The following HYCC1 variants were observed in gnomAD, a reference collection of about 807,000 sequenced individuals.
HYCC1 encodes hyccin.
At chr7:22,914,128 G>A in the HYCC1 span, among the ~76,000 whole-genome samples, 2 of 152,342 alleles carry the variant, frequency 1.3e-5, no homozygotes, top group South Asian at 2.1e-4. Flanking sequence ...GACTCAGGAA[G>A]ACAGTCTTCC....
chr7:23,005,048 G>T, the HYCC1 span, among the ~76,000 whole-genome samples: 8 of 152,102 alleles, frequency 5.3e-5, no homozygotes, highest in Admixed American at 1.3e-4. Flanking sequence ...CTCGCGATCC[G>T]CCCGCCTTGG....
chr7:22,898,185 C>G, the HYCC1 span, among the ~76,000 whole-genome samples: 1 of 151,812 alleles, frequency 6.6e-6, no homozygotes, highest in Non-Finnish European at 1.5e-5. Context: ...AGCTGGCACA[C>G]ACCACCATGC....
At chr7:22,979,356 G>A in the HYCC1 span, among the ~76,000 whole-genome samples, 1 of 152,202 alleles carries the variant, frequency 6.6e-6, no homozygotes, top group Non-Finnish European at 1.5e-5. Flanking sequence ...ACTTCTGACA[G>A]TTAATCTTCC....
chr7:23,006,238 T>C, the HYCC1 span, among the ~76,000 whole-genome samples: 18 of 152,230 alleles, frequency 1.2e-4, no homozygotes, highest in African/African-American at 3.9e-4. Context: ...AAGATAAATA[T>C]AGAGTTTATG....
chr7:22,943,648 CAAATTAGTTTTT>C, the HYCC1 span: 1 of 152,518 alleles, frequency 6.6e-6, no homozygotes, highest in Admixed American at 6.6e-5. Flanking sequence ...CTTAAAATGC[CAAATTAGTTTTT>C]AATAATACCA....
the HYCC1 span, among the ~76,000 whole-genome samples, chr7:23,007,137 C>G: frequency 6.6e-6 from 1 of 152,070 alleles, no homozygotes; most frequent in Non-Finnish European, 1.5e-5. Context: ...CAGAACAGAA[C>G]AGTGATAATA....
At chr7:22,975,264 A>G in the HYCC1 span, among the ~76,000 whole-genome samples, 1 of 152,194 alleles carries the variant, frequency 6.6e-6, no homozygotes, top group Non-Finnish European at 1.5e-5. Flanking sequence ...AATTTAGAAA[A>G]TCACAAAAAA....
the HYCC1 span, among the ~76,000 whole-genome samples, chr7:23,006,536 G>A: frequency 6.6e-6 from 1 of 151,924 alleles, no homozygotes; most frequent in Non-Finnish European, 1.5e-5. Context: ...CAAAGTGCTG[G>A]GATTACAGGC....
At chr7:22,981,090 T>G in the HYCC1 span, among the ~76,000 whole-genome samples, 3 of 152,334 alleles carry the variant, frequency 2.0e-5, no homozygotes, top group East Asian at 5.8e-4. Context: ...TTCCCTTACT[T>G]CATTTTATTT....
the HYCC1 span, chr7:22,939,328 A>T: frequency 6.6e-6 from 1 of 152,148 alleles, no homozygotes; most frequent in Non-Finnish European, 1.5e-5. Context: ...AGTCTGATAG[A>T]TCCTGTTGAA....
the HYCC1 span, among the ~76,000 whole-genome samples, chr7:22,919,009 G>C: frequency 4.1e-4 from 63 of 152,272 alleles, no homozygotes; most frequent in Middle Eastern, 6.8e-3. Context: ...AAGTCCCAGA[G>C]AGGGAGAGAA....
chr7:22,951,129 A>G, the HYCC1 span, among the ~76,000 whole-genome samples: 2 of 151,968 alleles, frequency 1.3e-5, no homozygotes, highest in African/African-American at 4.8e-5. Context: ...TTTAAGAAAA[A>G]AAGTGAAGCA....
chr7:22,910,490 A>C, the HYCC1 span, among the ~76,000 whole-genome samples: 1 of 152,220 alleles, frequency 6.6e-6, no homozygotes. Flanking sequence ...AATATTATTC[A>C]GTCTCAGCAA....
chr7:22,945,747 C>T, the HYCC1 span: 1 of 1,613,836 alleles, frequency 6.2e-7, no homozygotes, highest in South Asian at 1.1e-5. Context: ...CCACAACCAA[C>T]AGCAGATGAC....
At chr7:22,951,464 C>G in the HYCC1 span, among the ~76,000 whole-genome samples, 3 of 151,804 alleles carry the variant, frequency 2.0e-5, no homozygotes, top group Non-Finnish European at 4.4e-5. Flanking sequence ...CTGCATCATA[C>G]AATTTTTTAC....
At chr7:22,901,518 G>A in the HYCC1 span, among the ~76,000 whole-genome samples, 1 of 152,016 alleles carries the variant, frequency 6.6e-6, no homozygotes, top group African/African-American at 2.4e-5. Context: ...CAAATCCTAA[G>A]AACATTTTTA....
the HYCC1 span, chr7:22,945,727 T>C: frequency 6.8e-6 from 11 of 1,613,892 alleles, no homozygotes; most frequent in Non-Finnish European, 9.3e-6. Context: ...TATTGGCATC[T>C]GTCCCAGCCC....
At chr7:22,961,278 A>C in the HYCC1 span, 1 of 1,608,556 alleles carries the variant, frequency 6.2e-7, no homozygotes, top group Non-Finnish European at 8.5e-7. Flanking sequence ...TCTGTATATA[A>C]TATCATCCAG....
the HYCC1 span, chr7:22,937,310 T>G: frequency 6.6e-6 from 1 of 152,150 alleles, no homozygotes; most frequent in African/African-American, 2.4e-5. Flanking sequence ...AGGAAGCAAG[T>G]GAGACAAGGA....
Sources: allele counts gnomAD v4.1 joint callset (sites outside exome capture counted in the v4.1 genomes callset), GRCh38; gene constraint gnomAD v4.1.1; transcripts MANE v1.5; gene names NCBI Gene and HGNC (gene_info 2026-07-23, HGNC 2026-07-21).